RHEB: variants seen among roughly 807,000 people sequenced by gnomAD.
The protein encoded by RHEB is GTP-binding protein Rheb.
In RHEB, 2 loss-of-function variants were observed where a neutral mutation model predicts 28.8. That is an observed-to-expected ratio of 0.07 (90% CI 0.03 to 0.22). The LOEUF is 0.22. Among genes scored for constraint, RHEB ranks in the 10% least tolerant of loss-of-function variants. The pLI, the probability that RHEB is intolerant of heterozygous loss-of-function variation, is 1.00. For synonymous variants in RHEB, 69 were observed against 77.3 expected (o/e 0.89, Z 0.56); for missense variants, 76 against 219.9 (o/e 0.35, Z 4.14).
intron 1 of RHEB, among the ~76,000 whole-genome samples, chr7:151,507,390 TAC>T (rs3831737): frequency 6.8e-6 from 1 of 147,260 alleles, no homozygotes; most frequent in Non-Finnish European, 1.5e-5. Flanking sequence ...CTATGTATAT[TAC>T]ACACACACAT....
chr7:151,504,530 A>C (rs1802832823), intron 1 of RHEB, among the ~76,000 whole-genome samples: 1 of 152,194 alleles, frequency 6.6e-6, no homozygotes, highest in Admixed American at 6.5e-5. Context: ...AGGAAAAAAA[A>C]ATTCCTGCCT....
intron 7 of RHEB, among the ~76,000 whole-genome samples, chr7:151,467,741 C>G (rs567619755): frequency 7.9e-5 from 12 of 152,256 alleles, no homozygotes; most frequent in Admixed American, 3.3e-4. Context: ...ACAAACTGCC[C>G]TCCCTATCTC....
intron 1 of RHEB, among the ~76,000 whole-genome samples, chr7:151,497,333 C>T (rs992107249): frequency 2.0e-5 from 3 of 152,160 alleles, no homozygotes; most frequent in African/African-American, 4.8e-5. Flanking sequence ...TTTATTGAGT[C>T]CCACTCAAAT....
At position 151,501,834 on chromosome 7, in the gene RHEB, G is replaced by A. The variant is rs183620370; in HGVS notation, c.53-10820C>T. 9.2e-4 allele frequency: 441 copies of A among 480,716 alleles called. 4 individuals are homozygous for A. In the East Asian group the frequency reaches 0.019, roughly 21 times the overall value. The allele number at this position is 480,716 out of a possible 1,614,324, so 29.8% of individuals were successfully genotyped here. A position where few individuals can be genotyped will look rare whatever the true frequency, so the allele number is the denominator to read the frequency against. ...AGAAAGAGCCGGTGTCCTACCAGCC[G>A]CTGCTGCCCAGAACTGGGCCCTTAG... On this transcript the variant is annotated intron_variant, in intron 1 of 7. Transcript: ENST00000262187.
chr7:151,472,614 C>T lies in RHEB; in HGVS notation c.276-1009G>A, dbSNP rs1049860925. ...TTTCCTTTCCATTTCTTACCCCTTCCGTACTTTATTTTTCTTGGCAGCATG... is the reference window on the plus strand; with the variant it reads ...TTTCCTTTCCATTTCTTACCCCTTCTGTACTTTATTTTTCTTGGCAGCATG... On this transcript the variant is annotated intron_variant, in intron 4 of 7. Transcript: ENST00000262187. This position sits in a 1 kb window ranked among gnomAD's most constrained non-coding sequence, Gnocchi z 5.2. Among the ~76,000 whole-genome samples the T allele has an allele frequency of 2.0e-5, 3 of 152,142 alleles. No individual in the cohort carries two copies. The highest frequency in any genetic ancestry group is 3.8e-4 in the East Asian group (2 of 5,200).
intron 6 of RHEB, among the ~76,000 whole-genome samples, 156 bp from the exon 7 acceptor site, chr7:151,470,808 G>C (rs1004446471): frequency 1.2e-4 from 18 of 152,226 alleles, no homozygotes; most frequent in African/African-American, 3.4e-4. Flanking sequence ...ATGTAACACA[G>C]GAGTGTTTTA....
intron 1 of RHEB, among the ~76,000 whole-genome samples, chr7:151,516,806 C>A (rs1803089856): frequency 1.3e-5 from 2 of 151,982 alleles, no homozygotes; most frequent in South Asian, 4.2e-4. Context: ...GGTGTGGAGG[C>A]TTTTTATGTG....
At chr7:151,514,171 C>T (rs922417412) in intron 1 of RHEB, among the ~76,000 whole-genome samples, 1 of 152,138 alleles carries the variant, frequency 6.6e-6, no homozygotes, top group African/African-American at 2.4e-5. Flanking sequence ...TTGATATCCA[C>T]ATGCAAAAGT....
chr7:151,470,505 T>C (rs941509790), intron 7 of RHEB, 66 bp downstream of exon 7: 12 of 1,102,940 alleles, frequency 1.1e-5, no homozygotes, highest in Non-Finnish European at 1.7e-5. Flanking sequence ...AAATGCCAAC[T>C]GCAAGGAACA....
chr7:151,506,718 C>A (rs1350647237), intron 1 of RHEB, among the ~76,000 whole-genome samples: 2 of 152,136 alleles, frequency 1.3e-5, no homozygotes, highest in African/African-American at 2.4e-5. Flanking sequence ...CATACATATA[C>A]CCCTAAAGCA....
At chr7:151,511,708 C>T (rs1036547752) in intron 1 of RHEB, among the ~76,000 whole-genome samples, 11 of 150,470 alleles carry the variant, frequency 7.3e-5, no homozygotes, top group South Asian at 2.1e-4. Flanking sequence ...CGCCCAGTGG[C>T]GCGATCTCGA....
chr7:151,468,383 CAACT>C lies in RHEB; in HGVS notation c.463-1176_463-1173del, dbSNP rs1361930834. Among the ~76,000 whole-genome samples the C allele has an allele frequency of 1.3e-5, 2 of 152,324 alleles. No homozygotes were observed. The highest frequency in any genetic ancestry group is 1.9e-4 in the East Asian group (1 of 5,180). ...ACTGTACTTCAACTCCCTTCCCTAC[CAACT>C]GTCGCTGGCACGGTGCCCGCGGCCA... On this transcript the variant is annotated intron_variant, in intron 7 of 7. Transcript: ENST00000262187. The surrounding 1 kb of genome is among the most constrained non-coding windows in gnomAD (Gnocchi z 4.3).
chr7:151,498,119 T>C (rs1323401061), intron 1 of RHEB: 2 of 1,289,726 alleles, frequency 1.6e-6, no homozygotes, highest in Non-Finnish European at 2.0e-6. Flanking sequence ...GGGATGCACC[T>C]GTGCGCCCTG....
intron 1 of RHEB, among the ~76,000 whole-genome samples, chr7:151,509,535 A>T (rs1288958570): frequency 6.6e-6 from 1 of 152,086 alleles, no homozygotes; most frequent in Non-Finnish European, 1.5e-5. Context: ...TTCTCCCTCT[A>T]AGGAAATCTC....
intron 3 of RHEB, among the ~76,000 whole-genome samples, chr7:151,479,647 C>T (rs1300865455): frequency 6.9e-6 from 1 of 144,832 alleles, no homozygotes; most frequent in South Asian, 2.2e-4. Flanking sequence ...CGCGCCACAG[C>T]ACTCCAGCCT....
chr7:151,476,637 C>T (rs1407862519), intron 4 of RHEB, among the ~76,000 whole-genome samples: 1 of 152,238 alleles, frequency 6.6e-6, no homozygotes, highest in Non-Finnish European at 1.5e-5. Flanking sequence ...AGCAAACTCC[C>T]TAACATGTCG....
chr7:151,498,480 A>G (rs991496464), intron 1 of RHEB, among the ~76,000 whole-genome samples: 7 of 152,110 alleles, frequency 4.6e-5, no homozygotes, highest in African/African-American at 1.4e-4. Flanking sequence ...AAAAAAAATT[A>G]GCAGGGTGTG....
chr7:151,501,672 T>C (rs916781135), intron 1 of RHEB, among the ~76,000 whole-genome samples: 1 of 152,244 alleles, frequency 6.6e-6, no homozygotes, highest in Non-Finnish European at 1.5e-5. Context: ...TTACTCATAA[T>C]TGCCCCAAAG....
chr7:151,497,074 C>T (rs1040040972), intron 1 of RHEB, among the ~76,000 whole-genome samples: 18 of 151,820 alleles, frequency 1.2e-4, no homozygotes, highest in East Asian at 1.9e-4. Context: ...AGGTATGAGC[C>T]GCCGCACCCA....
Sources: allele counts gnomAD v4.1 joint callset (sites outside exome capture counted in the v4.1 genomes callset), GRCh38; gene constraint gnomAD v4.1.1; non-coding constraint Gnocchi (gnomAD v3.1); transcripts MANE v1.5; gene names NCBI Gene and HGNC (gene_info 2026-07-23, HGNC 2026-07-21).